Variants in STARD10 observed in about 807,000 individuals in gnomAD.
The protein encoded by STARD10 is START domain-containing protein 10.
In STARD10, 24 loss-of-function variants were observed where a neutral mutation model predicts 36.0. The observed-to-expected ratio is 0.67, with a 90% CI of 0.48 to 0.94. STARD10 has a LOEUF of 0.94. Ranked by LOEUF, STARD10 falls within the 40% of genes least tolerant of loss-of-function variation. The probability of loss-of-function intolerance (pLI) is 0.00; values close to 1 mark genes in which losing one functional copy is unlikely to be tolerated. For missense variants in STARD10, 335 were observed against 396.6 expected (o/e 0.84, Z 1.32); for synonymous variants, 156 against 161.9 (o/e 0.96, Z 0.28).
chr11:72,760,196 C>T (rs1270951373), intron 2 of STARD10, among the ~76,000 whole-genome samples: 2 of 151,474 alleles, frequency 1.3e-5, no homozygotes, highest in Admixed American at 6.6e-5. Context: ...CCACCACACC[C>T]GGCCTGGATT....
chr11:72,770,846 T>C (rs1179589426), intron 2 of STARD10, among the ~76,000 whole-genome samples: 3 of 152,062 alleles, frequency 2.0e-5, no homozygotes, highest in African/African-American at 7.2e-5. Context: ...GCCTGAGAAC[T>C]AGAAACGGCA....
chr11:72,778,042 C>T (rs973231194), intron 2 of STARD10, among the ~76,000 whole-genome samples: 2 of 152,224 alleles, frequency 1.3e-5, no homozygotes, highest in East Asian at 3.9e-4. Context: ...GGCTCCAGAC[C>T]TGCTGGGTGA....
rs545692186 is a variant in STARD10, at chr11:72,778,304, CTTTG to C, written c.207+2667_207+2670del. The stretch of plus-strand genomic sequence containing the variant: ...ACATTACCTCACTCAGCCTCAGTTT[CTTTG>C]TTTGTAACACAGAGACAAGACTACA... On this transcript the variant is annotated intron_variant, in intron 2 of 6. Coordinates refer to ENST00000334805, the MANE Select transcript of STARD10 (RefSeq NM_006645.3). Among the ~76,000 whole-genome samples the C allele has an allele frequency of 4.9e-4, 75 of 152,308 alleles. No individual in the cohort carries two copies. The Middle Eastern group carries it at 0.01, about 21-fold the overall frequency.
intron 1 of STARD10, among the ~76,000 whole-genome samples, chr11:72,784,020 C>G (rs1859040564): frequency 6.6e-6 from 1 of 152,200 alleles, no homozygotes; most frequent in South Asian, 2.1e-4. Flanking sequence ...AGGTTTAGGC[C>G]AGGCTACCTC....
chr11:72,756,380 TTCAC>T lies in STARD10; in HGVS notation c.578-631_578-628del, dbSNP rs371400534. Among the ~76,000 whole-genome samples the T allele has an allele frequency of 8.3e-3, 1,266 of 152,070 alleles. 32 individuals are homozygous for T. The highest frequency in any genetic ancestry group is 0.029 in the African/African-American group (1,182 of 41,462). On this transcript the variant is annotated intron_variant, in intron 5 of 6. Coordinates refer to ENST00000334805, the MANE Select transcript of STARD10 (RefSeq NM_006645.3). ...TCAAGGCTTCCCCATCCTCTAGTCA[TTCAC>T]TCACTCACTCACTCACTCACTCCAT...
chr11:72,785,426 G>A (rs1323786632), intron 1 of STARD10, among the ~76,000 whole-genome samples: 1 of 151,862 alleles, frequency 6.6e-6, no homozygotes, highest in Non-Finnish European at 1.5e-5. Flanking sequence ...TTAGCCAGGT[G>A]TGGTGGCACG....
At chr11:72,785,376 C>A (rs968352441) in intron 1 of STARD10, among the ~76,000 whole-genome samples, 1 of 151,604 alleles carries the variant, frequency 6.6e-6, no homozygotes, top group Admixed American at 6.6e-5. Context: ...ACCAGCCTGG[C>A]CAACATGGTG....
At chr11:72,774,738 C>T (rs1021562848) in intron 2 of STARD10, among the ~76,000 whole-genome samples, 10 of 152,250 alleles carry the variant, frequency 6.6e-5, no homozygotes, top group African/African-American at 2.4e-4. Flanking sequence ...TCTCCTGCTC[C>T]TCGGGAACAA....
At chr11:72,755,425 C>T in intron 6 of STARD10, 1 of 568,240 alleles carries the variant, frequency 1.8e-6, no homozygotes, top group Admixed American at 2.9e-5. Context: ...ATTCTCCTGC[C>T]TTAGCCTCCC....
intron 1 of STARD10, among the ~76,000 whole-genome samples, chr11:72,789,332 G>A (rs563909682): frequency 1.1e-4 from 16 of 152,176 alleles, no homozygotes; most frequent in Non-Finnish European, 1.8e-4. Flanking sequence ...ATCTGTCTCC[G>A]AGGCCTGGCC....
chr11:72,789,058 G>C (rs1859110601), intron 1 of STARD10, among the ~76,000 whole-genome samples: 2 of 110,502 alleles, frequency 1.8e-5, no homozygotes, highest in South Asian at 6.1e-4. Flanking sequence ...GTCTCCCCAG[G>C]CTGGTCTCGA....
At chr11:72,768,479 C>T (rs1858819663) in intron 2 of STARD10, among the ~76,000 whole-genome samples, 2 of 152,110 alleles carry the variant, frequency 1.3e-5, no homozygotes, top group African/African-American at 4.8e-5. Flanking sequence ...AGAGCTGCGC[C>T]AGGGCACAGA....
At chr11:72,785,191 C>T (rs1239527112) in intron 1 of STARD10, among the ~76,000 whole-genome samples, 1 of 152,160 alleles carries the variant, frequency 6.6e-6, no homozygotes, top group Non-Finnish European at 1.5e-5. Flanking sequence ...AAAGACCCCT[C>T]AGACTAAGGG....
rs558192133 is a variant in STARD10 at position 72,768,978 on chromosome 11, G to C, written c.208-9597C>G. On this transcript the variant is annotated intron_variant, in intron 2 of 6. Transcript: ENST00000334805. ...CTGGTCCGTGGCCCTCAGTGCATCTGTATAATTCAGAAGGAGGTGCAGCCG... is the reference window on the plus strand; with the variant it reads ...CTGGTCCGTGGCCCTCAGTGCATCTCTATAATTCAGAAGGAGGTGCAGCCG... 8.1e-4 allele frequency among the ~76,000 whole-genome samples: 124 copies of C among 152,338 alleles called. 1 individual carries two copies. Among genetic ancestry groups the C allele is most frequent in the African/African-American group, 2.7e-3 (114 of 41,570 alleles).
At position 72,755,032 on chromosome 11, in the gene STARD10, C is replaced by T. The variant is rs371574198; in HGVS notation, c.741G>A (p.Leu247=). ...GCTGCACCGACAGCTCCGACAGCGC[C>T]AGGCTCGGCAACGGGCTCTGCTCCG... ...LHPEQSPLPS[L]ALSELSVQHA... Residue 247 remains leucine (L), a synonymous_variant, in exon 7 of 7, where the codon CTG becomes CTA. Transcript: ENST00000334805. The T allele has an allele frequency of 3.1e-6, 5 of 1,613,196 alleles. No homozygotes were observed. The African/African-American group carries it at 6.7e-5, about 22-fold the overall frequency.
At chr11:72,780,170 A>T in intron 2 of STARD10, 1 of 449,906 alleles carries the variant, frequency 2.2e-6, no homozygotes, top group Non-Finnish European at 4.5e-6. Flanking sequence ...AGTCTTCACG[A>T]GCCCCTGCCC....
intron 2 of STARD10, among the ~76,000 whole-genome samples, chr11:72,763,758 G>T (rs1382856373): frequency 6.6e-6 from 1 of 152,202 alleles, no homozygotes; most frequent in Non-Finnish European, 1.5e-5. Flanking sequence ...ACAGAGGCCG[G>T]ATCTGGCATC....
At position 72,754,860 on chromosome 11, in the gene STARD10, G is replaced by A. The variant is rs1858618131; in HGVS notation, c.*37C>T. On this transcript the variant is annotated 3_prime_UTR_variant, in exon 7 of 7. Transcript: ENST00000334805. ...AGGAGCGGCCGCCGCCCCAGGGCTC[G>A]CCCGGTCCTGTCTCCGTCCCTGAAG... The A allele has an allele frequency of 2.5e-6, 4 of 1,570,864 alleles. No individual in the cohort carries two copies. Among genetic ancestry groups the A allele is most frequent in the Admixed American group, 1.7e-5 (1 of 58,568 alleles).
chr11:72,792,739 C>A (rs1555025915), intron 1 of STARD10, 136 bp downstream of exon 1: 1 of 152,910 alleles, frequency 6.5e-6, no homozygotes. Context: ...GATGGAGTTA[C>A]CTGAGTACCC....
Sources: allele counts gnomAD v4.1 joint callset (sites outside exome capture counted in the v4.1 genomes callset), GRCh38; gene constraint gnomAD v4.1.1; transcripts MANE v1.5; gene names NCBI Gene and HGNC (gene_info 2026-07-23, HGNC 2026-07-21).